ST6GALNAC5: variants seen among roughly 807,000 people sequenced by gnomAD.
ST6GALNAC5 encodes the protein alpha-N-acetylgalactosaminide alpha-2,6-sialyltransferase 5.
A neutral mutation model predicts 33.6 loss-of-function variants in ST6GALNAC5; 27 were observed. That is an observed-to-expected ratio of 0.80 (90% CI 0.59 to 1.11). The LOEUF (loss-of-function observed/expected upper bound fraction) is 1.11, where lower values mean the gene tolerates loss of function less well. Among genes scored for constraint, ST6GALNAC5 ranks in the 50% least tolerant of loss-of-function variants. The probability of loss-of-function intolerance (pLI) is 0.00; values close to 1 mark genes in which losing one functional copy is unlikely to be tolerated. For missense variants in ST6GALNAC5, 428 were observed against 454.0 expected, an observed-to-expected ratio of 0.94 and a Z score of 0.52; for synonymous variants, 194 against 171.2, an observed-to-expected ratio of 1.13 and a Z score of -1.04.
intron 2 of ST6GALNAC5, among the ~76,000 whole-genome samples, chr1:76,901,046 A>G (rs1440635987): frequency 6.6e-6 from 1 of 152,224 alleles, no homozygotes; most frequent in Non-Finnish European, 1.5e-5. Context: ...TTGAATGAGA[A>G]GATGTTTTGC....
chr1:76,889,960 G>A (rs943981753), intron 2 of ST6GALNAC5, among the ~76,000 whole-genome samples: 4 of 151,850 alleles, frequency 2.6e-5, no homozygotes, highest in African/African-American at 9.7e-5. Flanking sequence ...TATGTTTTTA[G>A]TTTTTGTGCT....
At position 77,042,312 on chromosome 1, in the gene ST6GALNAC5, C is replaced by T. The variant is rs560153130; in HGVS notation, c.262-1892C>T. ...CCACAGCCCCTTACTCCGACTTCAG[C>T]AGAGCCTCCTCTCCTTATACTGTAT... On this transcript the variant is annotated intron_variant, in intron 2 of 4. Transcript: ENST00000477717. Among the ~76,000 whole-genome samples, 253 of 152,324 alleles carry T rather than the reference C, an allele frequency of 1.7e-3. 1 individual carries two copies. The highest frequency in any genetic ancestry group is 5.6e-3 in the African/African-American group (234 of 41,582).
At chr1:76,994,008 A>C (rs1649833398) in intron 2 of ST6GALNAC5, among the ~76,000 whole-genome samples, 1 of 152,224 alleles carries the variant, frequency 6.6e-6, no homozygotes, top group African/African-American at 2.4e-5. Context: ...TTTGTTATAA[A>C]GTAACACACA....
chr1:76,984,633 G>C (rs903188496), intron 2 of ST6GALNAC5, among the ~76,000 whole-genome samples: 1 of 152,134 alleles, frequency 6.6e-6, no homozygotes, highest in African/African-American at 2.4e-5. Flanking sequence ...CTAATCAATA[G>C]AAAAAGAGGG....
intron 2 of ST6GALNAC5, among the ~76,000 whole-genome samples, chr1:76,951,627 GATA>G (rs1287701303): frequency 3.0e-4 from 45 of 152,092 alleles, no homozygotes; most frequent in African/African-American, 9.2e-4. Context: ...AAGTATAATA[GATA>G]ATATTTTAAT....
intron 2 of ST6GALNAC5, among the ~76,000 whole-genome samples, chr1:76,881,698 G>A (rs1653786371): frequency 1.3e-5 from 2 of 152,076 alleles, no homozygotes; most frequent in Admixed American, 1.3e-4. Context: ...TCTAAAATAA[G>A]CCTACCTCAA....
chr1:76,924,824 G>T (rs951196752), intron 2 of ST6GALNAC5, among the ~76,000 whole-genome samples: 2 of 152,132 alleles, frequency 1.3e-5, no homozygotes, highest in Non-Finnish European at 2.9e-5. Context: ...AGACCCATGA[G>T]CAGCAATTAG....
intron 2 of ST6GALNAC5, among the ~76,000 whole-genome samples, chr1:76,992,319 T>C (rs1177973774): frequency 6.6e-6 from 1 of 152,218 alleles, no homozygotes; most frequent in Non-Finnish European, 1.5e-5. Context: ...GTGTTTGCTT[T>C]GAGGACCTAT....
At chr1:76,978,921 T>C (rs898414431) in intron 2 of ST6GALNAC5, among the ~76,000 whole-genome samples, 4 of 152,160 alleles carry the variant, frequency 2.6e-5, no homozygotes, top group South Asian at 2.1e-4. Context: ...TAAATAAATT[T>C]AGTAAATTTA....
intron 2 of ST6GALNAC5, among the ~76,000 whole-genome samples, chr1:77,019,440 C>T (rs971794657): frequency 1.3e-5 from 2 of 152,176 alleles, no homozygotes; most frequent in African/African-American, 2.4e-5. Context: ...CGCAAAATCT[C>T]ATGCATTCTC....
At chr1:76,958,572 AAC>A (rs1249184183) in intron 2 of ST6GALNAC5, among the ~76,000 whole-genome samples, 1 of 152,176 alleles carries the variant, frequency 6.6e-6, no homozygotes, top group Admixed American at 6.5e-5. Flanking sequence ...TTGGATCAAG[AAC>A]ACTGTCTTCT....
chr1:77,016,474 T>C (rs568260670), intron 2 of ST6GALNAC5, among the ~76,000 whole-genome samples: 1 of 152,018 alleles, frequency 6.6e-6, no homozygotes, highest in Non-Finnish European at 1.5e-5. Context: ...CTGGAGGTAA[T>C]GCCTTTTCTA....
chr1:77,063,165 T>G lies in ST6GALNAC5; in HGVS notation c.970T>G (p.Ser324Ala). The change falls in exon 5 of 5, where the codon TCA (serine) becomes GCA (alanine). Residue 324 changes from serine to alanine, a missense_variant. By Grantham distance (99) the Ser-to-Ala change is moderately conservative. Coordinates refer to ENST00000477717, the MANE Select transcript of ST6GALNAC5 (RefSeq NM_030965.3). ...TTTTCAACCAGACTGGAAACCAGAATCACTTGCTATAAATCATCCTGAGAA... is the reference window on the plus strand; with the variant it reads ...TTTTCAACCAGACTGGAAACCAGAAGCACTTGCTATAAATCATCCTGAGAA... ...HFFQPDWKPESLAINHPENKP... is the reference protein window; with the variant it reads ...HFFQPDWKPEALAINHPENKP... 6.2e-7 allele frequency: 1 copy of G among 1,613,622 alleles called. No homozygotes were observed. Among genetic ancestry groups the G allele is most frequent in the Non-Finnish European group, 8.5e-7 (1 of 1,179,780 alleles).
chr1:77,037,038 G>A (rs1651668715), intron 2 of ST6GALNAC5, among the ~76,000 whole-genome samples: 1 of 152,088 alleles, frequency 6.6e-6, no homozygotes, highest in Non-Finnish European at 1.5e-5. Context: ...GCTTGGGTGG[G>A]AGGAATTGCT....
At chr1:76,953,174 C>T (rs533133530) in intron 2 of ST6GALNAC5, among the ~76,000 whole-genome samples, 20 of 152,076 alleles carry the variant, frequency 1.3e-4, no homozygotes, top group African/African-American at 3.6e-4. Context: ...AGATTTTATG[C>T]GAATATAACT....
intron 2 of ST6GALNAC5, among the ~76,000 whole-genome samples, chr1:76,929,831 C>T (rs1252104555): frequency 6.6e-6 from 1 of 151,866 alleles, no homozygotes; most frequent in African/African-American, 2.4e-5. Context: ...AAAACTGGGG[C>T]CAGGAGTAGG....
intron 2 of ST6GALNAC5, among the ~76,000 whole-genome samples, chr1:76,928,751 C>T (rs1314752970): frequency 6.6e-6 from 1 of 152,130 alleles, no homozygotes; most frequent in East Asian, 1.9e-4. Flanking sequence ...CTACTATCCC[C>T]ACCCCTCTGC....
intron 2 of ST6GALNAC5, among the ~76,000 whole-genome samples, chr1:76,990,107 ATTC>A (rs1349463683): frequency 6.6e-6 from 1 of 152,160 alleles, no homozygotes; most frequent in African/African-American, 2.4e-5. Context: ...TGAGTTTTCC[ATTC>A]TTTATTTGCC....
chr1:77,044,727 T>C, intron 3 of ST6GALNAC5, 114 bp downstream of exon 3: 2 of 1,307,012 alleles, frequency 1.5e-6, no homozygotes, highest in Non-Finnish European at 2.1e-6. Context: ...CCACTGCTCA[T>C]GTCATTGCTA....
Sources: allele counts gnomAD v4.1 joint callset (sites outside exome capture counted in the v4.1 genomes callset), GRCh38; gene constraint gnomAD v4.1.1; transcripts MANE v1.5; gene names NCBI Gene and HGNC (gene_info 2026-07-23, HGNC 2026-07-21).